The following COL6A6 variants were observed in gnomAD, a reference collection of about 807,000 sequenced individuals.
COL6A6 encodes the protein collagen alpha-6(VI) chain.
In COL6A6, 183 loss-of-function variants were observed where a neutral mutation model predicts 208.6. That is an observed-to-expected ratio of 0.88 (90% CI 0.78 to 0.99). COL6A6 has a LOEUF of 0.99. Ranked by LOEUF, COL6A6 falls within the 50% of genes least tolerant of loss-of-function variation. COL6A6 has a pLI of 0.00. For synonymous variants in COL6A6, 973 were observed against 1,011.8 expected, an observed-to-expected ratio of 0.96 and a Z score of 0.73; for missense variants, 2,816 against 2,815.2, an observed-to-expected ratio of 1.00 and a Z score of -0.01.
chr3:130,591,708 G>A (rs1198289980), intron 13 of COL6A6, among the ~76,000 whole-genome samples: 3 of 152,170 alleles, frequency 2.0e-5, no homozygotes, highest in Non-Finnish European at 2.9e-5. Context: ...CAAACTAGTA[G>A]AAATGCAAAT....
At chr3:130,590,058 G>A (rs1045057409) in intron 12 of COL6A6, 10 of 434,138 alleles carry the variant, frequency 2.3e-5, no homozygotes, top group Admixed American at 7.5e-5. Context: ...ATTTTTCTAT[G>A]TGTAGCATAA....
chr3:130,542,783 C>A (rs777423754), intron 1 of COL6A6, among the ~76,000 whole-genome samples: 1 of 151,600 alleles, frequency 6.6e-6, no homozygotes, highest in Non-Finnish European at 1.5e-5. Context: ...AGTGTCATTT[C>A]TTATCCCTGA....
Position 130,568,164 on chromosome 3 carries a change from T to A in COL6A6, c.1961T>A (p.Ile654Asn), listed in dbSNP as rs1310926114. 1.2e-6 allele frequency: 2 copies of A among 1,614,016 alleles called. No individual in the cohort carries two copies. Among genetic ancestry groups the A allele is most frequent in the South Asian group, 2.2e-5 (2 of 91,082 alleles). ...FMKNLVSKSQ[I>N]GPDRVQIGVV... ...AAAAACCTGGTGAGCAAGTCTCAGA[T>A]TGGACCAGATCGGGTGCAAATTGGT... The change falls in exon 6 of 37, where the codon ATT becomes AAT. Residue 654 changes from isoleucine to asparagine, a missense_variant. Physicochemically the swap from Ile to Asn is moderately radical, Grantham distance 149. Coordinates refer to ENST00000358511, the MANE Select transcript of COL6A6 (RefSeq NM_001102608.3).
At chr3:130,542,141 T>C (rs540587811) in intron 1 of COL6A6, among the ~76,000 whole-genome samples, 5 of 151,826 alleles carry the variant, frequency 3.3e-5, no homozygotes, top group Admixed American at 3.3e-4. Flanking sequence ...ATTTTTTTTT[T>C]CTATTGATTT....
At chr3:130,590,498 C>T (rs1401580742) in intron 12 of COL6A6, among the ~76,000 whole-genome samples, 1 of 127,256 alleles carries the variant, frequency 7.9e-6, no homozygotes, top group Non-Finnish European at 1.6e-5. Flanking sequence ...GTGTGATGTT[C>T]CCCTTCCTGT....
At chr3:130,579,525 C>T (rs190800668) in intron 8 of COL6A6, among the ~76,000 whole-genome samples, 366 of 152,280 alleles carry the variant, frequency 2.4e-3, no homozygotes, top group Non-Finnish European at 3.6e-3. Context: ...AAGGGCTCAG[C>T]GGGCTACTCT....
At chr3:130,621,398 T>C (rs1319186914) in intron 23 of COL6A6, among the ~76,000 whole-genome samples, 2 of 152,240 alleles carry the variant, frequency 1.3e-5, no homozygotes, top group East Asian at 3.8e-4. Flanking sequence ...ATACATATCA[T>C]ATGATTTTCC....
At chr3:130,582,108 C>T in intron 10 of COL6A6, 40 bp downstream of exon 10, 1 of 1,242,212 alleles carries the variant, frequency 8.1e-7, no homozygotes, top group Non-Finnish European at 1.1e-6. Context: ...TGCTTATTAA[C>T]TTTATAATCT....
chr3:130,628,756 C>CTA lies in COL6A6; in HGVS notation c.4992+1388_4992+1389insAT, dbSNP rs1220974143. 1.2e-4 allele frequency among the ~76,000 whole-genome samples: 8 copies of CTA among 65,320 alleles called. No homozygotes were observed. The South Asian group carries it at 3.6e-3, about 29-fold the overall frequency. 42.9% of individuals were successfully genotyped at this position (65,320 alleles called of 152,430 possible). On this transcript the variant is annotated intron_variant, in intron 26 of 36. Transcript: ENST00000358511. ...GTCGAAGATGGCCGAATAGGAACAG[C>CTA]TCCGGTCTACAGCTCCCTGCGTGAG...
Position 130,567,169 on chromosome 3 carries a change from G to A in COL6A6, c.1750G>A (p.Ala584Thr). 1.9e-6 allele frequency: 3 copies of A among 1,613,756 alleles called. No homozygotes were observed. The highest frequency in any genetic ancestry group is 2.2e-5 in the South Asian group (2 of 91,078). Residue 584 changes from alanine to threonine, a missense_variant, in exon 5 of 37, where the codon GCA (alanine) becomes ACA (threonine). By Grantham distance (58) the Ala-to-Thr change is moderately conservative. Coordinates refer to ENST00000358511, the MANE Select transcript of COL6A6 (RefSeq NM_001102608.3). ...EANQTQLREI[A>T]GEEKRVYYVH... ...CAACCAAACACAGCTGAGAGAAATT[G>A]CAGGAGAGGAAAAGAGAGTGTATTA...
chr3:130,526,164 G>A (rs2061956968), intron 1 of COL6A6, among the ~76,000 whole-genome samples: 1 of 152,106 alleles, frequency 6.6e-6, no homozygotes, highest in Non-Finnish European at 1.5e-5. Flanking sequence ...TATAAAAAAG[G>A]TGGGAGGTAA....
rs1319413895 is a variant in COL6A6, at chr3:130,560,296, ATATCCACAACAATTTGTT to A, written c.-31-34_-31-17del. Reference sequence around the variant, plus strand: ...GTATGTGAGTCTTAATTCCCAAATAATATCCACAACAATTTGTTTATATTTTTGCCTTTTCAGATTTGA... The same window carrying A: ...GTATGTGAGTCTTAATTCCCAAATAATATATTTTTGCCTTTTCAGATTTGA... On this transcript the variant is annotated intron_variant, in intron 1 of 36. Coordinates refer to ENST00000358511, the MANE Select transcript of COL6A6 (RefSeq NM_001102608.3). 7.6e-7 allele frequency: 1 copy of A among 1,315,154 alleles called. No homozygotes were observed. The highest frequency in any genetic ancestry group is 1.1e-6 in the Non-Finnish European group (1 of 925,910). The allele number at this position is 1,315,154 out of a possible 1,614,324, so 81.5% of individuals were successfully genotyped here.
intron 6 of COL6A6, among the ~76,000 whole-genome samples, chr3:130,570,463 T>A (rs1279419034): frequency 6.6e-6 from 1 of 152,216 alleles, no homozygotes; most frequent in African/African-American, 2.4e-5. Context: ...TGAAAGCACA[T>A]GTTGGATAAA....
At chr3:130,524,638 C>G (rs2061919858) in intron 1 of COL6A6, among the ~76,000 whole-genome samples, 1 of 152,112 alleles carries the variant, frequency 6.6e-6, no homozygotes, top group African/African-American at 2.4e-5. Flanking sequence ...GCATGAAGGA[C>G]TTTATTTATC....
chr3:130,649,940 T>G (rs547295249), intron 33 of COL6A6, among the ~76,000 whole-genome samples: 78 of 152,176 alleles, frequency 5.1e-4, no homozygotes, highest in Non-Finnish European at 1.0e-3. Flanking sequence ...TGCCTCTGAA[T>G]CTAAAGATAC....
At position 130,570,988 on chromosome 3, in the gene COL6A6, G is replaced by C. The variant is rs891446015; in HGVS notation, c.2572G>C (p.Glu858Gln). The C allele has an allele frequency of 6.2e-7, 1 of 1,614,028 alleles. No individual in the cohort carries two copies. The highest frequency in any genetic ancestry group is 2.2e-5 in the East Asian group (1 of 44,888). Residue 858 changes from glutamate to glutamine, a missense_variant, in exon 7 of 37, where the codon GAG (glutamate) becomes CAG (glutamine). Coordinates refer to ENST00000358511, the MANE Select transcript of COL6A6 (RefSeq NM_001102608.3). ...FGALKYADDP[E>Q]VLFYLDDFGT... ...GGCTCTGAAGTATGCTGATGACCCA[G>C]AGGTGCTGTTTTATCTGGATGACTT...
chr3:130,620,636 A>C (rs1431775933), intron 23 of COL6A6, among the ~76,000 whole-genome samples: 1 of 152,190 alleles, frequency 6.6e-6, no homozygotes, highest in Non-Finnish European at 1.5e-5. Context: ...GGTATTATGG[A>C]AAGATTCTTA....
intron 10 of COL6A6, among the ~76,000 whole-genome samples, chr3:130,585,417 C>T (rs536534271): frequency 5.3e-5 from 8 of 152,286 alleles, no homozygotes; most frequent in South Asian, 4.1e-4. Flanking sequence ...GAGTTATATT[C>T]GAACCTTACA....
chr3:130,638,600 A>C lies in COL6A6; in HGVS notation c.5091+2839A>C, dbSNP rs140276223. ...CCCTTGTTTCGTGGAAAACTCATCC[A>C]GTAGCCTGCTAAGAAGGGGTGAATG... On this transcript the variant is annotated intron_variant, in intron 28 of 36. Coordinates refer to ENST00000358511, the MANE Select transcript of COL6A6 (RefSeq NM_001102608.3). 4.7e-3 allele frequency among the ~76,000 whole-genome samples: 709 copies of C among 152,346 alleles called. 1 individual carries two copies. Among genetic ancestry groups the C allele is most frequent in the South Asian group, 0.014 (69 of 4,832 alleles).
Sources: gnomAD v4.1 joint callset for allele counts (sites outside exome capture counted in the v4.1 genomes callset) on GRCh38, gnomAD v4.1.1 for gene constraint, MANE v1.5 for transcripts, NCBI Gene and HGNC (gene_info 2026-07-23, HGNC 2026-07-21) for gene names.